The following NEBL variants were observed in gnomAD, a reference collection of about 807,000 sequenced individuals.
The protein encoded by NEBL is nebulette, also known as LIM and SH3 protein 2.
Under a neutral mutation model 140.2 loss-of-function variants are expected in NEBL, and 122 were observed. The observed-to-expected ratio is 0.87, with a 90% CI of 0.75 to 1.01. NEBL has a LOEUF of 1.01. NEBL is among the 50% of genes least tolerant of loss of function. The pLI, the probability that NEBL is intolerant of heterozygous loss-of-function variation, is 0.00. For missense variants in NEBL, 1,365 were observed against 1,231.3 expected (o/e 1.11, Z -1.62); for synonymous variants, 436 against 398.9 (o/e 1.09, Z -1.11).
intron 13 of NEBL, among the ~76,000 whole-genome samples, chr10:20,837,011 T>G (rs2130944677): frequency 6.6e-6 from 1 of 152,294 alleles, no homozygotes; most frequent in East Asian, 1.9e-4. Context: ...TCTTTCCCTC[T>G]CTTTGGGCTT....
At chr10:21,124,814 G>A (rs1466385385) in intron 2 of NEBL, among the ~76,000 whole-genome samples, 2 of 152,132 alleles carry the variant, frequency 1.3e-5, no homozygotes, top group African/African-American at 4.8e-5. Context: ...TTTAAAAATT[G>A]GCCAGGCATG....
intron 4 of NEBL, among the ~76,000 whole-genome samples, chr10:20,911,937 T>C (rs1253817582): frequency 2.0e-5 from 3 of 152,180 alleles, no homozygotes; most frequent in Non-Finnish European, 2.9e-5. Context: ...GTTGCAAAAA[T>C]TTCTTGGCAG....
intron 2 of NEBL, among the ~76,000 whole-genome samples, chr10:21,031,201 T>G (rs780035952): frequency 1.3e-5 from 2 of 151,930 alleles, no homozygotes; most frequent in South Asian, 4.2e-4. Context: ...GGCAGAGAGA[T>G]AGGAGGAGAG....
At chr10:20,818,673 G>T in intron 20 of NEBL, 1 of 430,674 alleles carries the variant, frequency 2.3e-6, no homozygotes, top group Non-Finnish European at 3.1e-6. Flanking sequence ...ACTGAACTAT[G>T]AGGTCCTTGA....
At position 21,029,446 on chromosome 10, in the gene NEBL, C is replaced by G. The variant is rs1240408708; in HGVS notation, c.165-9245G>C. On this transcript the variant is annotated intron_variant, in intron 2 of 6. Transcript: ENST00000417816. ...TGCTGAATTTGAGGACCTGGATTCCCTGCTCAGTGCCCTGAGTCTCAATTA... is the reference window on the plus strand; with the variant it reads ...TGCTGAATTTGAGGACCTGGATTCCGTGCTCAGTGCCCTGAGTCTCAATTA... 3 of 1,611,482 alleles carry G rather than the reference C, an allele frequency of 1.9e-6. No homozygotes were observed. In the African/African-American group the frequency reaches 4.0e-5, roughly 22 times the overall value.
At chr10:21,023,491 C>A (rs1030392622) in intron 2 of NEBL, among the ~76,000 whole-genome samples, 2 of 151,986 alleles carry the variant, frequency 1.3e-5, no homozygotes, top group Admixed American at 1.3e-4. Context: ...GTCAGGAGTT[C>A]GAGACCAGCC....
chr10:21,259,755 G>T (rs1237919841), intron 1 of NEBL, among the ~76,000 whole-genome samples: 1 of 152,062 alleles, frequency 6.6e-6, no homozygotes, highest in African/African-American at 2.4e-5. Flanking sequence ...TGGCTTCAGG[G>T]ATGTGTAGTA....
intron 26 of NEBL, among the ~76,000 whole-genome samples, chr10:20,787,725 TA>T (rs1835551360): frequency 6.6e-6 from 1 of 152,224 alleles, no homozygotes; most frequent in Non-Finnish European, 1.5e-5. Flanking sequence ...GTATTTCTCA[TA>T]TAACAGATAC....
At chr10:21,148,599 C>A (rs1167939384) in intron 2 of NEBL, among the ~76,000 whole-genome samples, 1 of 152,106 alleles carries the variant, frequency 6.6e-6, no homozygotes, top group Non-Finnish European at 1.5e-5. Flanking sequence ...GATCTCAGCT[C>A]ACTGCAACTT....
At chr10:20,838,886 GAA>G (rs1211742955) in intron 13 of NEBL, among the ~76,000 whole-genome samples, 1 of 152,134 alleles carries the variant, frequency 6.6e-6, no homozygotes, top group African/African-American at 2.4e-5. Flanking sequence ...GATGTATTTT[GAA>G]CATAAGCCTA....
intron 4 of NEBL, among the ~76,000 whole-genome samples, chr10:20,881,702 C>T (rs1220647182): frequency 6.6e-6 from 1 of 152,156 alleles, no homozygotes; most frequent in Non-Finnish European, 1.5e-5. Flanking sequence ...GTCGTGTTCA[C>T]TGAATCCTCA....
chr10:20,887,346 A>T (rs1401223676), intron 4 of NEBL, among the ~76,000 whole-genome samples: 1 of 151,908 alleles, frequency 6.6e-6, no homozygotes, highest in Non-Finnish European at 1.5e-5. Flanking sequence ...CACAATCTAC[A>T]GAAAAGGAAA....
chr10:20,933,553 G>A (rs1211720328), intron 4 of NEBL, among the ~76,000 whole-genome samples: 1 of 152,048 alleles, frequency 6.6e-6, no homozygotes, highest in South Asian at 2.1e-4. Context: ...GGCCAACATG[G>A]CTAAACCCCA....
intron 3 of NEBL, among the ~76,000 whole-genome samples, chr10:20,996,069 G>T (rs971913803): frequency 3.0e-4 from 46 of 152,214 alleles, no homozygotes; most frequent in Non-Finnish European, 1.5e-4. Context: ...GCGCGTTCTG[G>T]CTCCTAACTC....
chr10:20,991,355 T>C (rs2131686228), intron 3 of NEBL, among the ~76,000 whole-genome samples: 1 of 152,254 alleles, frequency 6.6e-6, no homozygotes, highest in South Asian at 2.1e-4. Context: ...TTTATGACAG[T>C]GTTATAAACA....
intron 4 of NEBL, among the ~76,000 whole-genome samples, chr10:20,924,659 T>A (rs946575115): frequency 1.2e-4 from 18 of 150,874 alleles, no homozygotes; most frequent in Admixed American, 9.9e-4. Flanking sequence ...GTTCTTTTTT[T>A]AAAAAAAAAT....
In NEBL at chr10:21,069,883, A is replaced by C. The variant is rs940922074; in HGVS notation, c.165-49682T>G. On this transcript the variant is annotated intron_variant, in intron 2 of 6. Coordinates refer to the NEBL transcript ENST00000417816. ...TACAGAAGATTAAAACAAGTTTTTT[A>C]AAAGAATAAGTCTTCTGCAATTTTC... 4 of 406,178 alleles carry C rather than the reference A, an allele frequency of 9.8e-6. No homozygotes were observed. In the Admixed American group the frequency reaches 1.3e-4, roughly 13 times the overall value. The allele number at this position is 406,178 out of a possible 1,614,324, so 25.2% of individuals were successfully genotyped here.
chr10:21,043,314 G>A (rs531850175), intron 2 of NEBL, among the ~76,000 whole-genome samples: 6 of 152,120 alleles, frequency 3.9e-5, no homozygotes, highest in East Asian at 1.9e-4. Flanking sequence ...AAAAACAGCC[G>A]TCAACATTGA....
intron 2 of NEBL, among the ~76,000 whole-genome samples, chr10:21,159,478 T>C (rs1840467607): frequency 6.6e-6 from 1 of 152,200 alleles, no homozygotes; most frequent in Non-Finnish European, 1.5e-5. Context: ...TCTAAAGTCC[T>C]CACAACTGCT....
Sources: gnomAD v4.1 joint callset for allele counts (sites outside exome capture counted in the v4.1 genomes callset) on GRCh38, gnomAD v4.1.1 for gene constraint, MANE v1.5 for transcripts, NCBI Gene and HGNC (gene_info 2026-07-23, HGNC 2026-07-21) for gene names.